Variants in CMYA5 observed in about 807,000 individuals in gnomAD.
The protein encoded by CMYA5 is cardiomyopathy associated 5.
CMYA5 carries 246 observed loss-of-function variants against 318.9 expected under a neutral mutation model. That is an observed-to-expected ratio of 0.77 (90% confidence interval 0.70 to 0.86). The LOEUF (loss-of-function observed/expected upper bound fraction) is 0.86. Among genes scored for constraint, CMYA5 ranks in the 40% least tolerant of loss-of-function variants. The pLI, the probability that CMYA5 is intolerant of heterozygous loss-of-function variation, is 0.00. For missense variants in CMYA5, 4,589 were observed against 4,678.2 expected (o/e 0.98, Z 0.56); for synonymous variants, 1,641 against 1,729.5 (o/e 0.95, Z 1.27).
At chr5:79,696,455 C>T (rs990718215) in intron 1 of CMYA5, among the ~76,000 whole-genome samples, 1 of 152,184 alleles carries the variant, frequency 6.6e-6, no homozygotes, top group African/African-American at 2.4e-5. Flanking sequence ...GTTCAGTCCA[C>T]CAAACTAAAT....
At chr5:79,756,738 G>A (rs1828537561) in intron 6 of CMYA5, among the ~76,000 whole-genome samples, 2 of 151,860 alleles carry the variant, frequency 1.3e-5, no homozygotes, top group South Asian at 4.2e-4. Flanking sequence ...TTTCTCATTT[G>A]TACCTTCTTG....
At chr5:79,707,731 T>C (rs1424076815) in intron 1 of CMYA5, among the ~76,000 whole-genome samples, 1 of 152,226 alleles carries the variant, frequency 6.6e-6, no homozygotes, top group Non-Finnish European at 1.5e-5. Context: ...GTTGAACTAA[T>C]GATGACCTTC....
At chr5:79,792,687 C>CT (rs1829201274) in intron 11 of CMYA5, among the ~76,000 whole-genome samples, 1 of 152,190 alleles carries the variant, frequency 6.6e-6, no homozygotes, top group Non-Finnish European at 1.5e-5. Flanking sequence ...AAAATGCTTC[C>CT]TTGCTGTCTC....
intron 1 of CMYA5, among the ~76,000 whole-genome samples, chr5:79,723,443 GAAAAA>G (rs35720490): frequency 3.3e-5 from 4 of 121,556 alleles, no homozygotes; most frequent in Non-Finnish European, 6.5e-5. Flanking sequence ...CATCTCAAAG[GAAAAA>G]AAAAAAAAAA....
At chr5:79,757,603 G>C (rs1828555976) in intron 6 of CMYA5, among the ~76,000 whole-genome samples, 1 of 152,216 alleles carries the variant, frequency 6.6e-6, no homozygotes, top group Admixed American at 6.5e-5. Context: ...TTTTATTTTT[G>C]CAAGTATTTT....
chr5:79,696,640 C>T (rs1827071140), intron 1 of CMYA5, among the ~76,000 whole-genome samples: 1 of 152,132 alleles, frequency 6.6e-6, no homozygotes, highest in African/African-American at 2.4e-5. Flanking sequence ...CAAATTTCCT[C>T]CTAATGGCTG....
intron 7 of CMYA5, among the ~76,000 whole-genome samples, chr5:79,761,160 T>C (rs1405295698): frequency 6.6e-6 from 1 of 152,238 alleles, no homozygotes; most frequent in African/African-American, 2.4e-5. Flanking sequence ...ATGTTTACTA[T>C]TAAAATATTC....
chr5:79,773,776 G>A (rs143941549), intron 9 of CMYA5, among the ~76,000 whole-genome samples: 1 of 152,282 alleles, frequency 6.6e-6, no homozygotes, highest in East Asian at 1.9e-4. Flanking sequence ...CATCTAACTG[G>A]CTGGATCTCC....
chr5:79,716,456 C>T (rs115508946), intron 1 of CMYA5, among the ~76,000 whole-genome samples: 1,784 of 152,274 alleles, frequency 0.012, 47 homozygotes, highest in African/African-American at 0.041. Flanking sequence ...AAAGTAATTG[C>T]GGCTTTTGCC....
chr5:79,766,903 T>C (rs174078), intron 9 of CMYA5, among the ~76,000 whole-genome samples: 31,333 of 152,174 alleles, frequency 0.21, 3,359 homozygotes, highest in East Asian at 0.31. Flanking sequence ...TTTGTACCTC[T>C]GGTAGAATTC....
At chr5:79,792,750 C>T (rs1829201996) in intron 11 of CMYA5, among the ~76,000 whole-genome samples, 1 of 152,234 alleles carries the variant, frequency 6.6e-6, no homozygotes, top group Non-Finnish European at 1.5e-5. Context: ...CACCCATCAG[C>T]AGTTGAAAGT....
chr5:79,759,847 T>C (rs1254669740), intron 7 of CMYA5, among the ~76,000 whole-genome samples: 1 of 152,234 alleles, frequency 6.6e-6, no homozygotes, highest in African/African-American at 2.4e-5. Flanking sequence ...AAAGCAATTA[T>C]AGGCATGGTG....
intron 9 of CMYA5, among the ~76,000 whole-genome samples, chr5:79,765,840 G>A (rs1828740122): frequency 6.6e-6 from 1 of 152,174 alleles, no homozygotes; most frequent in South Asian, 2.1e-4. Flanking sequence ...CATTGATTTT[G>A]TATCCTGAGA....
chr5:79,791,176 A>G (rs1056721612), intron 11 of CMYA5, 107 bp downstream of exon 11: 6 of 694,258 alleles, frequency 8.6e-6, no homozygotes, highest in Non-Finnish European at 1.5e-5. Flanking sequence ...TGCAGTGAAC[A>G]TGTCGGGATG....
intron 9 of CMYA5, among the ~76,000 whole-genome samples, chr5:79,773,849 G>A (rs575604431): frequency 1.7e-4 from 26 of 152,262 alleles, no homozygotes; most frequent in East Asian, 1.9e-4. Context: ...CCCAATCCCC[G>A]ATAAAACAAG....
chr5:79,743,597 T>C (rs1991484), intron 2 of CMYA5, among the ~76,000 whole-genome samples: 25,870 of 152,178 alleles, frequency 0.17, 2,352 homozygotes, highest in African/African-American at 0.22. Context: ...GAAGATATAC[T>C]GTCTTTGTGT....
chr5:79,799,872 A>ACAACC lies in CMYA5; in HGVS notation c.*256_*257insCAACC. ...TAAGTTTGAGTTCTTTCCTAAATTA[A>ACAACC]AAGATCTACACTTGAGTTGGGAACC... On this transcript the variant is annotated 3_prime_UTR_variant, in exon 13 of 13. Coordinates refer to ENST00000446378, the MANE Select transcript of CMYA5 (RefSeq NM_153610.5). The ACAACC allele has an allele frequency of 5.8e-6, 1 of 171,418 alleles. No individual in the cohort carries two copies. Among genetic ancestry groups the ACAACC allele is most frequent in the Non-Finnish European group, 1.1e-5 (1 of 88,592 alleles). 10.6% of individuals were successfully genotyped at this position (171,418 alleles called of 1,614,324 possible).
intron 1 of CMYA5, among the ~76,000 whole-genome samples, chr5:79,694,973 G>T (rs1827039077): frequency 6.6e-6 from 1 of 152,116 alleles, no homozygotes; most frequent in Non-Finnish European, 1.5e-5. Flanking sequence ...TTATGTCCTT[G>T]GTAAGACTTT....
At chr5:79,742,062 CTTCTTCTT>C (rs1828219747) in intron 2 of CMYA5, among the ~76,000 whole-genome samples, 1 of 42,412 alleles carries the variant, frequency 2.4e-5, no homozygotes, top group Admixed American at 1.6e-4. Flanking sequence ...TCTTCTTCTT[CTTCTTCTT>C]CTTCTTCTTC....
Sources: allele counts gnomAD v4.1 joint callset (sites outside exome capture counted in the v4.1 genomes callset), GRCh38; gene constraint gnomAD v4.1.1; transcripts MANE v1.5; gene names NCBI Gene and HGNC (gene_info 2026-07-23, HGNC 2026-07-21).